LINGO2: variants seen among roughly 807,000 people sequenced by gnomAD.
LINGO2 encodes leucine rich repeat and Ig domain containing 2.
LINGO2 carries 14 observed loss-of-function variants against 30.6 expected under a neutral mutation model. The ratio of observed to expected loss-of-function variants is 0.46; its 90% CI spans 0.30 to 0.72. The LOEUF (loss-of-function observed/expected upper bound fraction) is 0.72. LINGO2 is among the 30% of genes least tolerant of loss of function. The pLI is 0.07. For synonymous variants in LINGO2, 317 were observed against 288.5 expected (o/e 1.10, Z -1.00); for missense variants, 729 against 751.7 (o/e 0.97, Z 0.35).
At chr9:28,086,181 G>T (rs1012071658) in intron 4 of LINGO2, among the ~76,000 whole-genome samples, 1 of 151,934 alleles carries the variant, frequency 6.6e-6, no homozygotes, top group Non-Finnish European at 1.5e-5. Flanking sequence ...ATTGTCTCTT[G>T]CCTGAAAATC....
chr9:28,009,873 A>G (rs781329233), intron 5 of LINGO2, among the ~76,000 whole-genome samples: 13 of 152,224 alleles, frequency 8.5e-5, no homozygotes, highest in Non-Finnish European at 1.8e-4. Context: ...TCCTGGGTAC[A>G]TACTCAAGAG....
the LINGO2 span, among the ~76,000 whole-genome samples, chr9:29,141,283 T>C: frequency 6.6e-6 from 1 of 151,910 alleles, no homozygotes; most frequent in African/African-American, 2.4e-5. Flanking sequence ...ATCAATAACA[T>C]GAAGGGGGCT....
chr9:28,967,665 T>A, the LINGO2 span, among the ~76,000 whole-genome samples: 1 of 152,138 alleles, frequency 6.6e-6, no homozygotes. Flanking sequence ...TTAGTCTGAG[T>A]TGACTCTAGA....
chr9:29,105,908 T>C, the LINGO2 span, among the ~76,000 whole-genome samples: 5 of 152,090 alleles, frequency 3.3e-5, no homozygotes, highest in African/African-American at 1.2e-4. Flanking sequence ...ATTATGCCAA[T>C]AGTCTGAAAG....
At chr9:28,828,598 AC>A in the LINGO2 span, among the ~76,000 whole-genome samples, 2 of 149,822 alleles carry the variant, frequency 1.3e-5, no homozygotes, top group African/African-American at 2.4e-5. Context: ...GGTAGAGGCA[AC>A]CTTTTTTTTT....
the LINGO2 span, among the ~76,000 whole-genome samples, chr9:29,163,479 G>T: frequency 6.6e-6 from 1 of 152,060 alleles, no homozygotes; most frequent in Non-Finnish European, 1.5e-5. Context: ...TAATACACAG[G>T]AAACATGAAA....
intron 3 of LINGO2, among the ~76,000 whole-genome samples, chr9:28,350,071 C>G (rs1587514860): frequency 1.3e-5 from 2 of 151,530 alleles, no homozygotes; most frequent in South Asian, 2.1e-4. Flanking sequence ...ACCATTGAGA[C>G]TAGGAAGAAA....
At chr9:28,525,991 G>A (rs536827648) in intron 1 of LINGO2, among the ~76,000 whole-genome samples, 1 of 141,012 alleles carries the variant, frequency 7.1e-6, no homozygotes, top group African/African-American at 2.7e-5. Context: ...GGGAGGCAGA[G>A]CTTCCAGTGA....
intron 5 of LINGO2, among the ~76,000 whole-genome samples, chr9:27,982,634 A>T (rs994703581): frequency 1.3e-5 from 2 of 151,906 alleles, no homozygotes; most frequent in Non-Finnish European, 2.9e-5. Context: ...CACACAGCTA[A>T]TAAGTGGCAA....
the LINGO2 span, among the ~76,000 whole-genome samples, chr9:29,066,513 G>A: frequency 1.3e-5 from 2 of 151,884 alleles, no homozygotes; most frequent in Admixed American, 1.3e-4. Flanking sequence ...GATCATAGTG[G>A]CACCCTAGAG....
chr9:28,579,544 G>A (rs1824158539), intron 1 of LINGO2, among the ~76,000 whole-genome samples: 1 of 152,134 alleles, frequency 6.6e-6, no homozygotes, highest in Middle Eastern at 3.4e-3. Flanking sequence ...TTTAGCAAGA[G>A]TCTGAAGATT....
the LINGO2 span, among the ~76,000 whole-genome samples, chr9:28,886,506 T>TTCCAGGA: frequency 7.9e-5 from 12 of 152,284 alleles, no homozygotes; most frequent in Middle Eastern, 3.4e-3. Flanking sequence ...AATGAAACTT[T>TTCCAGGA]AATTAGAGTC....
intron 5 of LINGO2, among the ~76,000 whole-genome samples, chr9:28,009,431 G>C (rs1294798951): frequency 6.7e-6 from 1 of 149,972 alleles, no homozygotes; most frequent in African/African-American, 2.4e-5. Context: ...AAAATGAATA[G>C]ACAACCCACA....
At chr9:28,986,802 A>G in the LINGO2 span, among the ~76,000 whole-genome samples, 11 of 152,032 alleles carry the variant, frequency 7.2e-5, no homozygotes, top group Admixed American at 5.9e-4. Flanking sequence ...AAGTTTTGAA[A>G]ATCTCATGTA....
intron 2 of LINGO2, among the ~76,000 whole-genome samples, chr9:28,415,694 C>A (rs1034295357): frequency 2.0e-5 from 3 of 152,166 alleles, no homozygotes; most frequent in Non-Finnish European, 4.4e-5. Flanking sequence ...TCTTGTAACA[C>A]TTTCTATAAC....
the LINGO2 span, among the ~76,000 whole-genome samples, chr9:28,692,121 A>G: frequency 6.6e-6 from 1 of 152,106 alleles, no homozygotes; most frequent in Non-Finnish European, 1.5e-5. Flanking sequence ...TTGCACTATG[A>G]TATTCTCATA....
chr9:29,210,085 T>C, the LINGO2 span, among the ~76,000 whole-genome samples: 415 of 152,310 alleles, frequency 2.7e-3, 9 homozygotes, highest in East Asian at 0.071. Flanking sequence ...AATTAATTTG[T>C]GACAACTTCC....
intron 1 of LINGO2, among the ~76,000 whole-genome samples, chr9:28,484,755 T>C (rs754857407): frequency 1.3e-5 from 2 of 152,160 alleles, no homozygotes; most frequent in Non-Finnish European, 2.9e-5. Context: ...TTCCCAAAAG[T>C]GGTCAGAGAA....
chr9:28,501,441 G>A (rs1274671658), intron 1 of LINGO2, among the ~76,000 whole-genome samples: 2 of 152,086 alleles, frequency 1.3e-5, no homozygotes, highest in African/African-American at 2.4e-5. Context: ...ATGAAGCAAA[G>A]AACATTAAAT....
Sources: gnomAD v4.1 joint callset for allele counts (sites outside exome capture counted in the v4.1 genomes callset) on GRCh38, gnomAD v4.1.1 for gene constraint, MANE v1.5 for transcripts, NCBI Gene and HGNC (gene_info 2026-07-23, HGNC 2026-07-21) for gene names.